The following PKHD1L1 variants were observed in gnomAD, a reference collection of about 807,000 sequenced individuals.
The protein encoded by PKHD1L1 is PKHD1 like 1, also known as fibrocystin-L.
Under a neutral mutation model 462.9 loss-of-function variants are expected in PKHD1L1, and 434 were observed. The ratio of observed to expected loss-of-function variants is 0.94; its 90% CI spans 0.87 to 1.02. The LOEUF (loss-of-function observed/expected upper bound fraction) is 1.02, where lower values mean the gene tolerates loss of function less well. PKHD1L1 is among the 50% of genes least tolerant of loss of function. PKHD1L1 has a pLI of 0.00. For missense variants in PKHD1L1, 5,202 were observed against 5,096.1 expected (o/e 1.02, Z -0.63); for synonymous variants, 1,781 against 1,750.0 (o/e 1.02, Z -0.44).
chr8:109,478,627 G>T (rs1271812103), intron 53 of PKHD1L1, among the ~76,000 whole-genome samples: 1 of 151,948 alleles, frequency 6.6e-6, no homozygotes, highest in Non-Finnish European at 1.5e-5. Flanking sequence ...ACATAGAAAG[G>T]GTGTGGCATG....
At chr8:109,458,634 T>C (rs1816948736) in intron 46 of PKHD1L1, among the ~76,000 whole-genome samples, 1 of 152,082 alleles carries the variant, frequency 6.6e-6, no homozygotes, top group Non-Finnish European at 1.5e-5. Context: ...GAGAGCTGCT[T>C]TGAATCTATT....
intron 39 of PKHD1L1, 50 bp from the exon 40 acceptor site, chr8:109,449,287 GA>G: frequency 6.7e-7 from 1 of 1,492,824 alleles, no homozygotes. Context: ...GTACACAGAA[GA>G]AGTTTTATTT....
At chr8:109,441,150 A>C in intron 33 of PKHD1L1, 125 bp from the exon 34 acceptor site, 1 of 701,748 alleles carries the variant, frequency 1.4e-6, no homozygotes, top group African/African-American at 1.8e-5. Flanking sequence ...AGATCCTGCT[A>C]TATAAGGCAG....
At position 109,408,062 on chromosome 8, in the gene PKHD1L1, G is replaced by A. The variant is rs1356504297; in HGVS notation, c.1827G>A (p.Leu609=). 1.9e-6 allele frequency: 3 copies of A among 1,601,602 alleles called. No individual in the cohort carries two copies. The highest frequency in any genetic ancestry group is 1.7e-6 in the Non-Finnish European group (2 of 1,172,968). Residue 609 remains leucine, a synonymous_variant, in exon 18 of 78, where the codon CTG becomes CTA. Coordinates refer to ENST00000378402, the MANE Select transcript of PKHD1L1 (RefSeq NM_177531.6). ...TFISTRGDFD[L]LGYEVVEGNN... is the part of the protein sequence containing the mutation. The stretch of plus-strand genomic sequence containing the variant: ...ACTTAATTTCAGGAGACTTTGATCT[G>A]CTTGGTTATGAAGTAGTTGAAGGGA...
intron 41 of PKHD1L1, among the ~76,000 whole-genome samples, chr8:109,451,428 T>A (rs905011747): frequency 7.2e-5 from 11 of 152,164 alleles, no homozygotes; most frequent in African/African-American, 2.4e-4. Context: ...AGGTTAGACA[T>A]CTTGCCCCCA....
chr8:109,492,360 A>G (rs930573542), intron 62 of PKHD1L1, among the ~76,000 whole-genome samples: 3 of 151,848 alleles, frequency 2.0e-5, no homozygotes, highest in Non-Finnish European at 4.4e-5. Context: ...AGGCAAGGTT[A>G]TTATACTTAT....
At chr8:109,489,385 T>A (rs1818713807) in intron 59 of PKHD1L1, among the ~76,000 whole-genome samples, 1 of 151,916 alleles carries the variant, frequency 6.6e-6, no homozygotes, top group Non-Finnish European at 1.5e-5. Flanking sequence ...CAAAGAGCAA[T>A]CTCTCATGGA....
At position 109,436,367 on chromosome 8, in the gene PKHD1L1, G is replaced by C; in HGVS notation, c.3535G>C (p.Gly1179Arg). The C allele has an allele frequency of 6.2e-7, 1 of 1,612,938 alleles. No individual in the cohort carries two copies. Residue 1179 changes from glycine (G) to arginine (R), a missense_variant, in exon 30 of 78, where the codon GGC (glycine) becomes CGC (arginine). Around this residue, in one of 3 missense-constraint regions of PKHD1L1, gnomAD observed 4,497 missense variants for 4,336.8 expected, o/e 1.04. Coordinates refer to ENST00000378402, the MANE Select transcript of PKHD1L1 (RefSeq NM_177531.6). ...TACTCTACTGACTTTATCTGGATTT[G>C]GCTTTAATGAAAATTCAAAGGTATT... The part of the protein sequence containing the change: ...GGTLLTLSGF[G>R]FNENSKVLVG...
rs751039699 is a variant in PKHD1L1, at chr8:109,454,242, T to C, written c.6740T>C (p.Leu2247Pro). ...ENILITDGGVLQIGTETSPFQ... is the reference protein window; with the variant it reads ...ENILITDGGVPQIGTETSPFQ... The stretch of plus-strand genomic sequence containing the variant: ...ATTCTAATTACAGATGGAGGTGTTC[T>C]TCAGGTATTCAAAAGAACATAATAC... The change falls in exon 44 of 78, where the codon CTT (leucine) becomes CCT (proline). Residue 2247 changes from leucine to proline, a missense_variant. By Grantham distance (98) the Leu-to-Pro change is moderately conservative. Transcript: ENST00000378402. 3 of 1,596,190 alleles carry C rather than the reference T, an allele frequency of 1.9e-6. No individual in the cohort carries two copies. The highest frequency in any genetic ancestry group is 2.6e-6 in the Non-Finnish European group (3 of 1,170,160).
At chr8:109,427,881 G>A (rs1275543944) in intron 25 of PKHD1L1, among the ~76,000 whole-genome samples, 1 of 152,044 alleles carries the variant, frequency 6.6e-6, no homozygotes, top group Non-Finnish European at 1.5e-5. Context: ...GCTGGACGTG[G>A]TAGTGCATGC....
intron 9 of PKHD1L1, among the ~76,000 whole-genome samples, chr8:109,392,090 C>T (rs956254799): frequency 2.0e-5 from 3 of 152,142 alleles, no homozygotes; most frequent in African/African-American, 7.2e-5. Flanking sequence ...TTACATACGA[C>T]TTGATAAGAC....
chr8:109,459,672 C>T lies in PKHD1L1; in HGVS notation c.7082C>T (p.Pro2361Leu), dbSNP rs1353368988. ...ADGINITLSN[P>L]LNYTHLGITV... Reference sequence around the variant, plus strand: ...GGCATAAACATAACACTAAGTAACCCACTAAATTACACACACTTAGGAATT... The same window carrying T: ...GGCATAAACATAACACTAAGTAACCTACTAAATTACACACACTTAGGAATT... Residue 2361 changes from proline to leucine, a missense_variant, in exon 47 of 78, where the codon CCA becomes CTA. This residue lies in a region of PKHD1L1 where 4,497 missense variants were observed against 4,336.8 expected (regional missense o/e 1.04). Transcript: ENST00000378402. 1.2e-5 allele frequency: 19 copies of T among 1,609,330 alleles called. No individual in the cohort carries two copies. In the Admixed American group the frequency reaches 3.2e-4, roughly 27 times the overall value.
At chr8:109,516,689 G>A (rs897629165) in intron 72 of PKHD1L1, among the ~76,000 whole-genome samples, 2 of 151,978 alleles carry the variant, frequency 1.3e-5, no homozygotes, top group African/African-American at 2.4e-5. Flanking sequence ...GAGAGTCAGC[G>A]TTACTACTTT....
In PKHD1L1 at chr8:109,485,103, A is replaced by G; in HGVS notation, c.9636A>G (p.Arg3212=). Reference sequence around the variant, plus strand: ...ACGATTTCCACCAGACAGAAACAAGAAGTATCGTTAAAATCCTGCATGATC... The same window carrying G: ...ACGATTTCCACCAGACAGAAACAAGGAGTATCGTTAAAATCCTGCATGATC... ...TSYDFHQTET[R]SIVKILHDHK... is the part of the protein sequence containing the mutation. Residue 3212 remains arginine, a synonymous_variant, in exon 58 of 78, where the codon AGA becomes AGG. Transcript: ENST00000378402. 6.2e-7 allele frequency: 1 copy of G among 1,603,806 alleles called. No individual in the cohort carries two copies.
intron 13 of PKHD1L1, 126 bp from the exon 14 acceptor site, chr8:109,401,371 A>C: frequency 1.6e-6 from 1 of 616,920 alleles, no homozygotes; most frequent in East Asian, 2.8e-5. Context: ...AAAAATATAA[A>C]GTAGTTTTAC....
chr8:109,452,266 G>A lies in PKHD1L1; in HGVS notation c.6493G>A (p.Gly2165Ser), dbSNP rs774720141. The stretch of plus-strand genomic sequence containing the variant: ...AGTTTGTGTCCACATCAGAGGTGTC[G>A]GCATGGCCAAACTGGTAATAGTGCT... Reference protein sequence around the residue: ...APVCVHIRGVGMAKLDNADFL... With the variant: ...APVCVHIRGVSMAKLDNADFL... Residue 2165 changes from glycine to serine, a missense_variant, in exon 42 of 78, where the codon GGC becomes AGC. Gly to Ser is a moderately conservative substitution (Grantham distance 56). Transcript: ENST00000378402. The A allele has an allele frequency of 1.1e-5, 18 of 1,602,106 alleles. No individual in the cohort carries two copies. The highest frequency in any genetic ancestry group is 3.4e-5 in the South Asian group (3 of 89,018).
intron 23 of PKHD1L1, among the ~76,000 whole-genome samples, chr8:109,424,409 T>G (rs1044809460): frequency 3.9e-5 from 6 of 152,220 alleles, no homozygotes; most frequent in Admixed American, 3.9e-4. Context: ...GGAACATTCT[T>G]GCTTATGTCT....
Position 109,480,106 on chromosome 8 carries a change from A to C in PKHD1L1, c.9294A>C (p.Glu3098Asp). ...GAGCTGCAGAATCTTCTTACAGAGA[A>C]GTTGTTTTGAATGCTACCTACATAT... ...NVGAAESSYR[E>D]VVLNATYISL... Residue 3098 changes from glutamate (E) to aspartate (D), a missense_variant, in exon 55 of 78, where the codon GAA (glutamate) becomes GAC (aspartate). Coordinates refer to ENST00000378402, the MANE Select transcript of PKHD1L1 (RefSeq NM_177531.6). The C allele has an allele frequency of 6.3e-7, 1 of 1,576,144 alleles. No homozygotes were observed. The highest frequency in any genetic ancestry group is 8.6e-7 in the Non-Finnish European group (1 of 1,160,482).
At chr8:109,423,765 T>C (rs922784650) in intron 23 of PKHD1L1, among the ~76,000 whole-genome samples, 1 of 152,172 alleles carries the variant, frequency 6.6e-6, no homozygotes, top group African/African-American at 2.4e-5. Flanking sequence ...ACACAGTATG[T>C]CTCTCCAATT....
Sources: gnomAD v4.1 joint callset for allele counts (sites outside exome capture counted in the v4.1 genomes callset) on GRCh38, gnomAD v4.1.1 for gene constraint, gnomAD v4.1.1 regional missense constraint, MANE v1.5 for transcripts, NCBI Gene and HGNC (gene_info 2026-07-23, HGNC 2026-07-21) for gene names.